The following MOK variants were observed in gnomAD, a reference collection of about 807,000 sequenced individuals.
MOK encodes the protein MAPK/MAK/MRK overlapping kinase.
A neutral mutation model predicts 54.2 loss-of-function variants in MOK; 59 were observed. That is an observed-to-expected ratio of 1.09 (90% CI 0.88 to 1.35). The LOEUF (loss-of-function observed/expected upper bound fraction) is 1.35, where lower values mean the gene tolerates loss of function less well. Among genes scored for constraint, MOK ranks in the 40% most tolerant of loss-of-function variants. MOK has a pLI of 0.00. For synonymous variants in MOK, 210 were observed against 202.7 expected (o/e 1.04, Z -0.31); for missense variants, 517 against 526.2 (o/e 0.98, Z 0.17).
At chr14:102,258,934 T>C (rs2067180227) in intron 4 of MOK, among the ~76,000 whole-genome samples, 2 of 151,874 alleles carry the variant, frequency 1.3e-5, no homozygotes, top group Admixed American at 6.6e-5. Context: ...GACGTGGTGG[T>C]GGGCACCTGT....
At chr14:102,220,055 C>G (rs968523234), downstream of MOK, among the ~76,000 whole-genome samples, 1 of 152,246 alleles carries the variant, frequency 6.6e-6, no homozygotes, top group African/African-American at 2.4e-5. The surrounding 1 kb of genome is among the most constrained non-coding windows in gnomAD (Gnocchi z 4.2). Flanking sequence ...CTGCAGCCCT[C>G]GCGTTGGGTC....
chr14:102,302,573 G>A (rs1195009376), intron 1 of MOK, among the ~76,000 whole-genome samples: 3 of 151,246 alleles, frequency 2.0e-5, no homozygotes, highest in African/African-American at 4.9e-5. Context: ...CCACCACCAC[G>A]CCTGGCTAAT....
chr14:102,223,150 A>G (rs962088157), downstream of MOK: 5 of 281,002 alleles, frequency 1.8e-5, no homozygotes, highest in East Asian at 1.5e-4. Flanking sequence ...CTAAAATTCA[A>G]TGTAATTAAA....
At chr14:102,258,234 A>C (rs909886951) in intron 4 of MOK, among the ~76,000 whole-genome samples, 1 of 152,048 alleles carries the variant, frequency 6.6e-6, no homozygotes, top group East Asian at 1.9e-4. Context: ...GAGTAACGAA[A>C]ATTCTTACCC....
chr14:102,235,314 C>T lies in MOK; in HGVS notation c.591-1525G>A, dbSNP rs1322858185. The T allele has an allele frequency of 1.3e-5, 2 of 152,264 alleles. No individual in the cohort carries two copies. 9.4% of individuals were successfully genotyped at this position (152,264 alleles called of 1,614,324 possible). ...AAACGTCCAGGTTCTTCTCCGATCC[C>T]GACACTTACATCAAATAATTTAAAT... On this transcript the variant is annotated intron_variant, in intron 7 of 11. Coordinates refer to ENST00000361847, the MANE Select transcript of MOK (RefSeq NM_014226.3). This position sits in a 1 kb window ranked among gnomAD's most constrained non-coding sequence, Gnocchi z 4.4.
chr14:102,233,970 T>C (rs2064984830), intron 7 of MOK, 181 bp from the exon 8 acceptor site: 4 of 567,704 alleles, frequency 7.0e-6, no homozygotes, highest in South Asian at 4.4e-5. Flanking sequence ...CAAGGTGATA[T>C]GTGGCAAAAT....
chr14:102,253,214 T>C (rs2066670093), intron 4 of MOK, among the ~76,000 whole-genome samples: 3 of 152,250 alleles, frequency 2.0e-5, no homozygotes, highest in Admixed American at 2.0e-4. Context: ...TACCTACTAA[T>C]GGGACCCAGA....
intron 4 of MOK, 113 bp downstream of exon 4, chr14:102,263,433 T>TA (rs1353262542): frequency 2.8e-6 from 2 of 718,218 alleles, no homozygotes; most frequent in African/African-American, 3.6e-5. Flanking sequence ...GTACTGTGTA[T>TA]TATATATAAC....
In MOK at chr14:102,260,039, G is replaced by A. The variant is rs917776194; in HGVS notation, c.283+3507C>T. 9.2e-5 allele frequency among the ~76,000 whole-genome samples: 14 copies of A among 152,180 alleles called. 1 individual carries two copies. Among genetic ancestry groups the A allele is most frequent in the African/African-American group, 3.4e-4 (14 of 41,438 alleles). The stretch of plus-strand genomic sequence containing the variant: ...CTAAAAATACAAAATTAGCTGGGGT[G>A]GTGGCGCATGCCTGTAATCCCAGCT... On this transcript the variant is annotated intron_variant, in intron 4 of 11. Transcript: ENST00000361847.
At chr14:102,233,500 T>G in intron 8 of MOK, 188 bp downstream of exon 8, 1 of 578,364 alleles carries the variant, frequency 1.7e-6, no homozygotes, top group Non-Finnish European at 3.1e-6. Context: ...AGCTCACCTT[T>G]GAGACCACTT....
rs185558477 is a variant in MOK, at chr14:102,240,044, C to G, written c.591-6255G>C. Among the ~76,000 whole-genome samples, 1 of 152,272 alleles carries G rather than the reference C, an allele frequency of 6.6e-6. No homozygotes were observed. The highest frequency in any genetic ancestry group is 2.4e-5 in the African/African-American group (1 of 41,554). On this transcript the variant is annotated intron_variant, in intron 7 of 11. Coordinates refer to ENST00000361847, the MANE Select transcript of MOK (RefSeq NM_014226.3). The surrounding 1 kb of genome is among the most constrained non-coding windows in gnomAD (Gnocchi z 5.4). ...CACAAAAGAAGTGAAAATGGCCAGC[C>G]CTGCCTTAACTGATGACATTACCTT...
chr14:102,226,259 G>A (rs752511102), downstream of MOK: 28 of 685,028 alleles, frequency 4.1e-5, no homozygotes, highest in Non-Finnish European at 6.9e-5. This position sits in a 1 kb window ranked among gnomAD's most constrained non-coding sequence, Gnocchi z 4.8. Context: ...AGGTCAGGAG[G>A]GTGAGGTGGG....
chr14:102,228,825 T>C (rs2064367865), downstream of MOK: 1 of 159,188 alleles, frequency 6.3e-6, no homozygotes. Flanking sequence ...TCGGAAAACA[T>C]TAAAATGCAA....
In MOK at chr14:102,229,543, G is replaced by A. The variant is rs1367315929; in HGVS notation, c.1096C>T (p.Pro366Ser). Residue 366 changes from proline (P) to serine (S), a missense_variant, in exon 11 of 12, where the codon CCC becomes TCC. Coordinates refer to ENST00000361847, the MANE Select transcript of MOK (RefSeq NM_014226.3). ...GATCCAAGCACGGACTGCAGCGTGG[G>A]GCTGGAGTAAGACGACAGTCTGACC... is the stretch of plus-strand genomic sequence containing the variant. Reference protein sequence around the residue: ...GVVRLSSYSSPTLQSVLGSGT... With the variant: ...GVVRLSSYSSSTLQSVLGSGT... The A allele has an allele frequency of 6.2e-7, 1 of 1,614,168 alleles. No homozygotes were observed. Among genetic ancestry groups the A allele is most frequent in the Non-Finnish European group, 8.5e-7 (1 of 1,180,020 alleles).
intron 1 of MOK, among the ~76,000 whole-genome samples, chr14:102,300,471 C>A (rs952145741): frequency 6.6e-6 from 1 of 151,894 alleles, no homozygotes; most frequent in African/African-American, 2.4e-5. Flanking sequence ...ATTGCCTGAG[C>A]CCAGGAGATG....
chr14:102,291,998 T>C (rs938368379), intron 1 of MOK, among the ~76,000 whole-genome samples: 3 of 151,828 alleles, frequency 2.0e-5, no homozygotes, highest in Admixed American at 2.0e-4. Context: ...AAAGACTTCT[T>C]AGCACCAGCT....
Position 102,231,950 on chromosome 14 carries a change from G to A in MOK, c.867-129C>T. ...CTAGCTCTTCTTTTCTGCCTGAGCT[G>A]TAATCAGGAGCCTTTTTTTTTCTTT... On this transcript the variant is annotated intron_variant, in intron 9 of 11. Coordinates refer to ENST00000361847, the MANE Select transcript of MOK (RefSeq NM_014226.3). The surrounding 1 kb of genome is among the most constrained non-coding windows in gnomAD (Gnocchi z 4.4). The A allele has an allele frequency of 1.5e-6, 1 of 664,950 alleles. No homozygotes were observed. The highest frequency in any genetic ancestry group is 2.5e-6 in the Non-Finnish European group (1 of 403,360). 41.2% of individuals were successfully genotyped at this position (664,950 alleles called of 1,614,324 possible). A position where few individuals can be genotyped will look rare whatever the true frequency, so the allele number is the denominator to read the frequency against.
At chr14:102,250,789 G>T (rs1363920827) in intron 7 of MOK, 23 bp downstream of exon 7, 4 of 1,608,174 alleles carry the variant, frequency 2.5e-6, no homozygotes, top group East Asian at 2.2e-5. Context: ...CAGGAACCAG[G>T]CAGGAGCCTG....
chr14:102,303,166 A>G (rs2072432613), intron 1 of MOK, among the ~76,000 whole-genome samples: 1 of 152,104 alleles, frequency 6.6e-6, no homozygotes, highest in East Asian at 1.9e-4. Flanking sequence ...GTCCAAAAAA[A>G]AAAAGAGTCT....
Sources: allele counts gnomAD v4.1 joint callset (sites outside exome capture counted in the v4.1 genomes callset), GRCh38; gene constraint gnomAD v4.1.1; non-coding constraint Gnocchi (gnomAD v3.1); transcripts MANE v1.5; gene names NCBI Gene and HGNC (gene_info 2026-07-23, HGNC 2026-07-21).